Variants in ASTN2 observed in about 807,000 individuals in gnomAD.
ASTN2 encodes astrotactin 2.
A neutral mutation model predicts 139.8 loss-of-function variants in ASTN2; 54 were observed. That is an observed-to-expected ratio of 0.39 (90% CI 0.31 to 0.48). ASTN2 has a LOEUF of 0.48. ASTN2 is among the 20% of genes least tolerant of loss of function. The pLI is 0.95. For synonymous variants in ASTN2, 756 were observed against 719.5 expected, an observed-to-expected ratio of 1.05 and a Z score of -0.81; for missense variants, 1,565 against 1,725.1, an observed-to-expected ratio of 0.91 and a Z score of 1.64.
At chr9:116,892,590 A>G (rs1420842917) in intron 10 of ASTN2, among the ~76,000 whole-genome samples, 2 of 150,096 alleles carry the variant, frequency 1.3e-5, no homozygotes, top group Non-Finnish European at 3.0e-5. Context: ...CTTTTAATCT[A>G]TTTTTTTTTT....
At chr9:116,575,418 A>G (rs1428600536) in intron 19 of ASTN2, among the ~76,000 whole-genome samples, 1 of 152,130 alleles carries the variant, frequency 6.6e-6, no homozygotes, top group Non-Finnish European at 1.5e-5. Context: ...ATCCCTACAG[A>G]GGAGTGATGA....
intron 4 of ASTN2, among the ~76,000 whole-genome samples, chr9:117,136,028 C>T (rs1482904899): frequency 6.6e-6 from 1 of 152,114 alleles, no homozygotes; most frequent in Non-Finnish European, 1.5e-5. Flanking sequence ...ACAATATGCC[C>T]TTCATCCTAT....
At chr9:116,968,401 T>C (rs1055710510) in intron 10 of ASTN2, among the ~76,000 whole-genome samples, 5 of 152,176 alleles carry the variant, frequency 3.3e-5, no homozygotes, top group African/African-American at 7.2e-5. Flanking sequence ...GGAACATCTG[T>C]TGGGGACCCT....
intron 5 of ASTN2, among the ~76,000 whole-genome samples, chr9:117,091,598 G>A (rs551474512): frequency 4.6e-5 from 7 of 152,092 alleles, no homozygotes; most frequent in East Asian, 1.9e-4. Flanking sequence ...TGAGTCAAAC[G>A]GCAGGGAAGA....
chr9:116,669,580 T>C (rs939550041), intron 16 of ASTN2, among the ~76,000 whole-genome samples: 2 of 152,200 alleles, frequency 1.3e-5, no homozygotes, highest in African/African-American at 4.8e-5. Flanking sequence ...CTTGGTGACA[T>C]GTATATTAAA....
At chr9:117,187,691 T>A (rs1285123701) in intron 3 of ASTN2, among the ~76,000 whole-genome samples, 3 of 152,290 alleles carry the variant, frequency 2.0e-5, no homozygotes, top group East Asian at 3.9e-4. Context: ...ACAGTCCCCA[T>A]CAGCAAGAAG....
intron 3 of ASTN2, among the ~76,000 whole-genome samples, chr9:117,188,977 C>T (rs547642847): frequency 9.8e-4 from 149 of 152,150 alleles, no homozygotes; most frequent in African/African-American, 3.4e-3. Context: ...TGAGAATGGC[C>T]GTCCATTCTC....
chr9:117,180,679 AG>A (rs1439228882), intron 3 of ASTN2: 1 of 1,549,908 alleles, frequency 6.5e-7, no homozygotes, highest in Non-Finnish European at 8.7e-7. Flanking sequence ...GAGTATTAAG[AG>A]GGGGCAGCAC....
At chr9:117,177,138 G>A (rs1163392783) in intron 3 of ASTN2, among the ~76,000 whole-genome samples, 3 of 152,136 alleles carry the variant, frequency 2.0e-5, no homozygotes, top group Non-Finnish European at 4.4e-5. Context: ...ACCTGTGTGA[G>A]TTATTAAGTA....
At chr9:117,014,499 T>C (rs1167632592) in intron 6 of ASTN2, among the ~76,000 whole-genome samples, 1 of 152,154 alleles carries the variant, frequency 6.6e-6, no homozygotes, top group Non-Finnish European at 1.5e-5. Flanking sequence ...CTGTCTTCAC[T>C]TCCTGACCTT....
intron 19 of ASTN2, among the ~76,000 whole-genome samples, chr9:116,511,122 T>A (rs1850356610): frequency 6.6e-6 from 1 of 152,208 alleles, no homozygotes; most frequent in African/African-American, 2.4e-5. Flanking sequence ...CCATTCAGTA[T>A]GATATTGGCT....
At position 116,670,194 on chromosome 9, in the gene ASTN2, C is replaced by T. The variant is rs139673870; in HGVS notation, c.2807-18401G>A. On this transcript the variant is annotated intron_variant, in intron 16 of 22. Transcript: ENST00000313400. ...ACAAAAAAACCTTGATTGTATTAAG[C>T]CACTGAGATTTAAGGGTTTATTGTT... Among the ~76,000 whole-genome samples, 741 of 152,298 alleles carry T rather than the reference C, an allele frequency of 4.9e-3. 5 individuals carry two copies. The highest frequency in any genetic ancestry group is 0.01 in the Middle Eastern group (3 of 294).
At chr9:116,797,840 A>C (rs1588301070) in intron 13 of ASTN2, among the ~76,000 whole-genome samples, 1 of 152,324 alleles carries the variant, frequency 6.6e-6, no homozygotes, top group East Asian at 1.9e-4. Flanking sequence ...GTTGGATGCC[A>C]TGTCTCCAAG....
At chr9:116,775,159 G>A (rs148696614) in intron 13 of ASTN2, among the ~76,000 whole-genome samples, 1 of 152,216 alleles carries the variant, frequency 6.6e-6, no homozygotes, top group East Asian at 1.9e-4. Flanking sequence ...GGGTGGATAT[G>A]TAAACAAGGA....
At chr9:117,319,890 G>A (rs1380962521) in intron 1 of ASTN2, among the ~76,000 whole-genome samples, 1 of 152,144 alleles carries the variant, frequency 6.6e-6, no homozygotes, top group Admixed American at 6.5e-5. Context: ...GACATAGGCT[G>A]CCCAGTTCCC....
chr9:116,661,952 T>G (rs948569173), intron 16 of ASTN2, among the ~76,000 whole-genome samples: 11 of 151,592 alleles, frequency 7.3e-5, no homozygotes, highest in African/African-American at 2.7e-4. Context: ...ACATGGCACA[T>G]GTATACATAT....
intron 16 of ASTN2, among the ~76,000 whole-genome samples, chr9:116,706,373 C>T (rs1174517038): frequency 5.3e-5 from 8 of 152,086 alleles, no homozygotes; most frequent in Admixed American, 5.2e-4. Context: ...CATATCTGGA[C>T]ATGCCAGTAA....
intron 2 of ASTN2, among the ~76,000 whole-genome samples, chr9:117,245,843 C>A (rs1377018717): frequency 1.3e-5 from 2 of 152,110 alleles, no homozygotes; most frequent in African/African-American, 4.8e-5. Flanking sequence ...AGGTCCTATT[C>A]TTTAGGTCTC....
rs142506503 is a variant in ASTN2, at chr9:116,431,459, G to A, written c.3783-5371C>T. On this transcript the variant is annotated intron_variant, in intron 22 of 22. Coordinates refer to ENST00000313400, the MANE Select transcript of ASTN2 (RefSeq NM_001365068.1). ...TGGCTTCATTCATGGTGTCCTCGTC[G>A]GGCTCCATCTGGAGAACCCCCGACA... Among the ~76,000 whole-genome samples the A allele has an allele frequency of 6.5e-3, 996 of 152,136 alleles. 4 individuals are homozygous for A. Among genetic ancestry groups the A allele is most frequent in the Admixed American group, 0.01 (154 of 15,280 alleles).
Sources: allele counts gnomAD v4.1 joint callset (sites outside exome capture counted in the v4.1 genomes callset), GRCh38; gene constraint gnomAD v4.1.1; transcripts MANE v1.5; gene names NCBI Gene and HGNC (gene_info 2026-07-23, HGNC 2026-07-21).